The following MCPH1 variants were observed in gnomAD, a reference collection of about 807,000 sequenced individuals.
The protein encoded by MCPH1 is microcephalin.
MCPH1 carries 104 observed loss-of-function variants against 84.5 expected under a neutral mutation model. The observed-to-expected ratio is 1.23, with a 90% CI of 1.05 to 1.45. MCPH1 has a LOEUF of 1.45. Among genes scored for constraint, MCPH1 ranks in the 40% most tolerant of loss-of-function variants. MCPH1 has a pLI of 0.00. For missense variants in MCPH1, 1,498 were observed against 1,005.7 expected, an observed-to-expected ratio of 1.49 and a Z score of -6.62; for synonymous variants, 514 against 366.8, an observed-to-expected ratio of 1.40 and a Z score of -4.58.
chr8:6,529,928 A>G (rs151245709), intron 12 of MCPH1, among the ~76,000 whole-genome samples: 5 of 151,868 alleles, frequency 3.3e-5, no homozygotes, highest in African/African-American at 1.2e-4. Context: ...ATCAAATGCT[A>G]TGAAGTCTCT....
rs373199125 is a variant in MCPH1, at chr8:6,442,135, T to G, written c.649T>G (p.Ser217Ala). The G allele has an allele frequency of 6.2e-6, 10 of 1,610,636 alleles. No individual in the cohort carries two copies. The Admixed American group carries it at 1.5e-4, about 24-fold the overall frequency. ...NSLCEAPLNI[S>A]RDTLCSDEYF... ...TCTGTGTGAAGCACCTTTGAACATT[T>G]CACGTGATACTTTGTGTTCAGGTAA... Residue 217 changes from serine to alanine, a missense_variant, in exon 7 of 14, where the codon TCA becomes GCA. Physicochemically the swap from Ser to Ala is moderately conservative, Grantham distance 99. Coordinates refer to ENST00000344683, the MANE Select transcript of MCPH1 (RefSeq NM_024596.5).
intron 12 of MCPH1, among the ~76,000 whole-genome samples, chr8:6,580,337 C>G (rs1827459174): frequency 6.6e-6 from 1 of 152,140 alleles, no homozygotes; most frequent in Non-Finnish European, 1.5e-5. Context: ...CAGCCGGTTG[C>G]CCTTTGTTGT....
At chr8:6,603,725 A>C (rs1829544226) in intron 12 of MCPH1, among the ~76,000 whole-genome samples, 1 of 152,310 alleles carries the variant, frequency 6.6e-6, no homozygotes, top group East Asian at 1.9e-4. Context: ...AGGTTGTGCA[A>C]GGTTTTAAGA....
intron 12 of MCPH1, among the ~76,000 whole-genome samples, chr8:6,535,282 T>C (rs1586451137): frequency 6.6e-6 from 1 of 152,190 alleles, no homozygotes; most frequent in Non-Finnish European, 1.5e-5. Context: ...TCTCCAGAGA[T>C]ATGAGAGGAT....
At chr8:6,552,015 A>G (rs1177187307) in intron 12 of MCPH1, among the ~76,000 whole-genome samples, 1 of 152,208 alleles carries the variant, frequency 6.6e-6, no homozygotes, top group Non-Finnish European at 1.5e-5. Flanking sequence ...ATGACCAAGA[A>G]TTGATATCAT....
At chr8:6,429,879 C>G (rs1801592616) in intron 3 of MCPH1, among the ~76,000 whole-genome samples, 1 of 152,150 alleles carries the variant, frequency 6.6e-6, no homozygotes, top group Admixed American at 6.5e-5. Flanking sequence ...GTCCCCATGC[C>G]CCAGACCCAC....
chr8:6,407,636 G>A (rs115328756), intron 1 of MCPH1, among the ~76,000 whole-genome samples: 2,819 of 152,304 alleles, frequency 0.019, 40 homozygotes, highest in Middle Eastern at 0.048. Flanking sequence ...TACAAAGTCT[G>A]TAATCAGATG....
At chr8:6,642,941 T>C in intron 13 of MCPH1, 53 bp from the exon 14 acceptor site, 1 of 1,527,034 alleles carries the variant, frequency 6.5e-7, no homozygotes, top group Non-Finnish European at 9.1e-7. Context: ...GTTATCACTT[T>C]CCTATGTGGC....
intron 11 of MCPH1, chr8:6,499,643 C>T (rs1003761225): frequency 3.8e-6 from 2 of 520,814 alleles, no homozygotes; most frequent in Non-Finnish European, 6.9e-6. Context: ...TTCTTGTTAT[C>T]GTGAGACTTT....
rs190925742 is a variant in MCPH1, at chr8:6,469,574, T to G, written c.1936-8020T>G. Among the ~76,000 whole-genome samples, 4 of 152,380 alleles carry G rather than the reference T, an allele frequency of 2.6e-5. No homozygotes were observed. The East Asian group carries it at 5.8e-4, about 22-fold the overall frequency. On this transcript the variant is annotated intron_variant, in intron 9 of 13. Coordinates refer to ENST00000344683, the MANE Select transcript of MCPH1 (RefSeq NM_024596.5). Reference sequence around the variant, plus strand: ...TATTTAGATGGGCTTATACTGGGCGTGAACAAGGTTAATAATCTTTGTGAA... The same window carrying G: ...TATTTAGATGGGCTTATACTGGGCGGGAACAAGGTTAATAATCTTTGTGAA...
intron 4 of MCPH1, among the ~76,000 whole-genome samples, chr8:6,435,404 G>C (rs1802500425): frequency 6.6e-6 from 1 of 152,154 alleles, no homozygotes; most frequent in Non-Finnish European, 1.5e-5. Context: ...CCTCCCTGAG[G>C]TGGGGGCTCA....
At chr8:6,549,717 C>T (rs140343069) in intron 12 of MCPH1, among the ~76,000 whole-genome samples, 1 of 151,100 alleles carries the variant, frequency 6.6e-6, no homozygotes, top group Non-Finnish European at 1.5e-5. Context: ...CACAGGTGCG[C>T]ACAGATATGG....
chr8:6,454,529 ACACATTT>A (rs1454392754), intron 8 of MCPH1, among the ~76,000 whole-genome samples: 1 of 152,216 alleles, frequency 6.6e-6, no homozygotes, highest in African/African-American at 2.4e-5. Flanking sequence ...AAATCAAAGT[ACACATTT>A]CACATTTCAT....
chr8:6,551,382 T>G, intron 12 of MCPH1, among the ~76,000 whole-genome samples: 1 of 148,728 alleles, frequency 6.7e-6, no homozygotes, highest in South Asian at 2.1e-4. Context: ...GCCAATTATG[T>G]AACTGTAAAC....
At chr8:6,499,826 A>G in intron 11 of MCPH1, 26 bp from the exon 12 acceptor site, 2 of 1,607,410 alleles carry the variant, frequency 1.2e-6, no homozygotes, top group Non-Finnish European at 1.7e-6. Flanking sequence ...AATGTATAAT[A>G]AATCTGCTTG....
chr8:6,595,668 G>A (rs1247422695), intron 12 of MCPH1, among the ~76,000 whole-genome samples: 2 of 152,236 alleles, frequency 1.3e-5, no homozygotes, highest in Admixed American at 1.3e-4. Context: ...AGTGAAGAGT[G>A]CACTGTCCAA....
chr8:6,436,956 T>G (rs1802738478), intron 5 of MCPH1, among the ~76,000 whole-genome samples: 1 of 151,682 alleles, frequency 6.6e-6, no homozygotes, highest in African/African-American at 2.4e-5. Context: ...GGCAACAGAG[T>G]GAGACTCCAA....
intron 9 of MCPH1, among the ~76,000 whole-genome samples, chr8:6,460,809 C>T (rs192174780): frequency 1.3e-5 from 2 of 152,232 alleles, no homozygotes; most frequent in African/African-American, 2.4e-5. Context: ...CCTCCTCTTC[C>T]ATGGGTTTCT....
At chr8:6,463,855 G>T (rs1030029254) in intron 9 of MCPH1, among the ~76,000 whole-genome samples, 2 of 152,216 alleles carry the variant, frequency 1.3e-5, no homozygotes, top group African/African-American at 4.8e-5. Flanking sequence ...TTGCAGTAAT[G>T]CCAGGCCTTT....
Sources: gnomAD v4.1 joint callset for allele counts (sites outside exome capture counted in the v4.1 genomes callset) on GRCh38, gnomAD v4.1.1 for gene constraint, MANE v1.5 for transcripts, NCBI Gene and HGNC (gene_info 2026-07-23, HGNC 2026-07-21) for gene names.